TEX9: variants seen among roughly 807,000 people sequenced by gnomAD.
TEX9 encodes the protein testis-expressed protein 9.
TEX9 carries 74 observed loss-of-function variants against 59.6 expected under a neutral mutation model. The observed-to-expected ratio is 1.24, with a 90% CI of 1.03 to 1.51. TEX9 has a LOEUF of 1.51. Ranked by LOEUF, TEX9 falls within the 40% of genes most tolerant of loss-of-function variation. The pLI, the probability that TEX9 is intolerant of heterozygous loss-of-function variation, is 0.00. For missense variants in TEX9, 522 were observed against 447.8 expected (o/e 1.17, Z -1.49); for synonymous variants, 186 against 152.2 (o/e 1.22, Z -1.64).
chr15:56,365,923 C>A lies in TEX9; in HGVS notation c.119+253C>A, dbSNP rs1274651928. The stretch of plus-strand genomic sequence containing the variant: ...GCATGTTGTTTAATTTAAAACGTAG[C>A]CCAAGTAAACAGCAAGATACTGTTG... On this transcript the variant is annotated intron_variant, in intron 2 of 12. Coordinates refer to ENST00000352903, the Ensembl canonical transcript of TEX9. 4 of 1,309,360 alleles carry A rather than the reference C, an allele frequency of 3.1e-6. No homozygotes were observed. In the African/African-American group the frequency reaches 6.0e-5, roughly 20 times the overall value. 81.1% of individuals were successfully genotyped at this position (1,309,360 alleles called of 1,614,324 possible).
chr15:56,458,526 T>C, the TEX9 span, among the ~76,000 whole-genome samples: 4 of 152,122 alleles, frequency 2.6e-5, no homozygotes, highest in African/African-American at 9.7e-5. Flanking sequence ...ACACATTCTA[T>C]GGGTTTTGGC....
intron 1 of TEX9, among the ~76,000 whole-genome samples, chr15:56,329,614 G>C (rs1402178556): frequency 6.6e-6 from 1 of 152,078 alleles, no homozygotes; most frequent in African/African-American, 2.4e-5. Flanking sequence ...AAAAAATCAA[G>C]CAGAAATTCT....
chr15:56,267,105 T>G (rs2044404066), intron 1 of TEX9, among the ~76,000 whole-genome samples: 1 of 152,254 alleles, frequency 6.6e-6, no homozygotes, highest in African/African-American at 2.4e-5. Flanking sequence ...CATGTGTCTG[T>G]TCACTGTATA....
chr15:56,388,644 A>G, intron 5 of TEX9, 124 bp downstream of exon 5: 1 of 678,518 alleles, frequency 1.5e-6, no homozygotes, highest in Non-Finnish European at 2.5e-6. Context: ...GAACCTTGAT[A>G]CTCAGAGGGA....
intron 4 of TEX9, 113 bp from the exon 5 acceptor site, chr15:56,388,359 C>T: frequency 1.2e-6 from 1 of 803,436 alleles, no homozygotes. Context: ...AGAATTATAG[C>T]AAAGTCTGTT....
chr15:56,264,702 T>C (rs1260402180), intron 1 of TEX9, among the ~76,000 whole-genome samples: 1 of 152,256 alleles, frequency 6.6e-6, no homozygotes, highest in Non-Finnish European at 1.5e-5. Flanking sequence ...GACTTTATCC[T>C]ACATTATACT....
intron 1 of TEX9, among the ~76,000 whole-genome samples, chr15:56,305,001 T>G (rs2045444951): frequency 6.6e-6 from 1 of 152,168 alleles, no homozygotes; most frequent in African/African-American, 2.4e-5. Context: ...GTGAACAATC[T>G]GGAAAAGAAA....
intron 12 of TEX9, chr15:56,433,997 G>C: frequency 1.1e-6 from 1 of 893,696 alleles, no homozygotes; most frequent in African/African-American, 1.8e-5. Flanking sequence ...AGCAAAAATG[G>C]TCAGAAAATT....
intron 12 of TEX9, among the ~76,000 whole-genome samples, chr15:56,432,792 T>C (rs1478998851): frequency 6.6e-6 from 1 of 152,184 alleles, no homozygotes; most frequent in Non-Finnish European, 1.5e-5. Flanking sequence ...ATAACAGCAC[T>C]TGTATTCCCA....
chr15:56,285,757 C>T (rs2044937992), intron 1 of TEX9, among the ~76,000 whole-genome samples: 1 of 152,094 alleles, frequency 6.6e-6, no homozygotes, highest in South Asian at 2.1e-4. Flanking sequence ...AAAGTTAAAT[C>T]CCCAAATTCT....
At chr15:56,285,004 A>G (rs1477447107) in intron 1 of TEX9, among the ~76,000 whole-genome samples, 1 of 152,136 alleles carries the variant, frequency 6.6e-6, no homozygotes, top group Non-Finnish European at 1.5e-5. Flanking sequence ...GAATATATTA[A>G]TTCTATATTA....
At chr15:56,442,923 AT>A (rs1279928787) in intron 12 of TEX9, among the ~76,000 whole-genome samples, 1 of 152,014 alleles carries the variant, frequency 6.6e-6, no homozygotes, top group Non-Finnish European at 1.5e-5. Context: ...AAAAAAAAAA[AT>A]CTTGAACTCT....
chr15:56,265,915 T>A (rs1483301090), intron 1 of TEX9, among the ~76,000 whole-genome samples: 1 of 152,162 alleles, frequency 6.6e-6, no homozygotes, highest in Non-Finnish European at 1.5e-5. Flanking sequence ...CTTTATTGAT[T>A]ACAGTGAGAA....
intron 12 of TEX9, among the ~76,000 whole-genome samples, chr15:56,444,970 TAAC>T (rs2050882735): frequency 6.6e-6 from 1 of 152,054 alleles, no homozygotes; most frequent in Non-Finnish European, 1.5e-5. Flanking sequence ...AGTTTCTTAA[TAAC>T]TATTTAGCTG....
chr15:56,392,722 G>T (rs1304044891), intron 7 of TEX9, among the ~76,000 whole-genome samples: 1 of 152,078 alleles, frequency 6.6e-6, no homozygotes, highest in Non-Finnish European at 1.5e-5. Flanking sequence ...AAGCTTTCTA[G>T]GGCTAGTTAT....
intron 9 of TEX9, among the ~76,000 whole-genome samples, chr15:56,399,580 CCTGT>C (rs1326827558): frequency 6.6e-6 from 1 of 152,204 alleles, no homozygotes; most frequent in Non-Finnish European, 1.5e-5. Context: ...CTTAAACGTC[CCTGT>C]CTGACAGGTC....
intron 1 of TEX9, among the ~76,000 whole-genome samples, chr15:56,319,349 G>A (rs1407182131): frequency 1.5e-5 from 2 of 135,232 alleles, no homozygotes; most frequent in Non-Finnish European, 3.4e-5. Context: ...ACAAGCAGAA[G>A]ACTCTTACCA....
At chr15:56,302,320 T>TACACACACACACACAC (rs56766153) in intron 1 of TEX9, among the ~76,000 whole-genome samples, 5 of 135,706 alleles carry the variant, frequency 3.7e-5, no homozygotes, top group South Asian at 2.6e-4. Context: ...AGACACTGTT[T>TACACACACACACACAC]ACACACACAC....
rs60361737 is a variant in TEX9 at position 56,300,708 on chromosome 15, G to GGAGAGAGA, written c.-107+56461_-107+56468dup. Among the ~76,000 whole-genome samples the GGAGAGAGA allele has an allele frequency of 6.1e-3, 630 of 102,632 alleles. 23 individuals carry two copies. Among genetic ancestry groups the GGAGAGAGA allele is most frequent in the African/African-American group, 0.022 (564 of 25,298 alleles). The allele number at this position is 102,632 out of a possible 152,430, so 67.3% of individuals were successfully genotyped here. The stretch of plus-strand genomic sequence containing the variant: ...AGCAGAGAGAGAGAGAGAGAGAGAG[G>GGAGAGAGA]GAGAGAGAGAGAGAGAGAGAGAGAG... On this transcript the variant is annotated intron_variant, in intron 1 of 5. Transcript: ENST00000560827.
Sources: gnomAD v4.1 joint callset for allele counts (sites outside exome capture counted in the v4.1 genomes callset) on GRCh38, gnomAD v4.1.1 for gene constraint, MANE v1.5 for transcripts, NCBI Gene and HGNC (gene_info 2026-07-23, HGNC 2026-07-21) for gene names.